GLIS2: variants seen among roughly 807,000 people sequenced by gnomAD.
The protein encoded by GLIS2 is zinc finger protein GLIS2.
In GLIS2, 14 loss-of-function variants were observed where a neutral mutation model predicts 35.6. The ratio of observed to expected loss-of-function variants is 0.39; its 90% confidence interval spans 0.26 to 0.61. The LOEUF (loss-of-function observed/expected upper bound fraction) is 0.61. Ranked by LOEUF, GLIS2 falls within the 20% of genes least tolerant of loss-of-function variation. The probability of loss-of-function intolerance (pLI) is 0.48; values close to 1 mark genes in which losing one functional copy is unlikely to be tolerated. For missense variants in GLIS2, 675 were observed against 713.4 expected (o/e 0.95, Z 0.61); for synonymous variants, 368 against 325.1 (o/e 1.13, Z -1.42).
chr16:4,317,776 C>T (rs1038053851), intron 1 of GLIS2, among the ~76,000 whole-genome samples: 2 of 152,176 alleles, frequency 1.3e-5, no homozygotes, highest in Non-Finnish European at 2.9e-5. Flanking sequence ...GCCAGCCAAG[C>T]AGGAGACAGT....
chr16:4,317,983 G>A (rs571882855), intron 1 of GLIS2, among the ~76,000 whole-genome samples: 1 of 152,286 alleles, frequency 6.6e-6, no homozygotes, highest in East Asian at 1.9e-4. Flanking sequence ...CGGCCCCTGA[G>A]TGACCCTGGC....
chr16:4,315,723 A>G (rs1469371979), upstream of GLIS2, among the ~76,000 whole-genome samples: 2 of 140,342 alleles, frequency 1.4e-5, no homozygotes, highest in African/African-American at 5.5e-5. Context: ...TCGGCGCCCC[A>G]CTTCCCTCCC....
At position 4,318,615 on chromosome 16, in the gene GLIS2, G is replaced by A. The variant is rs2053341042; in HGVS notation, c.-67+2361G>A. The stretch of plus-strand genomic sequence containing the variant: ...AGGGCTGAGAGTGAACAGGCCGGAG[G>A]GAAAACAAAGGTCTCCCAGGGCCCC... On this transcript the variant is annotated intron_variant, in intron 1 of 6. Transcript: ENST00000433375. 3.9e-5 allele frequency among the ~76,000 whole-genome samples: 6 copies of A among 152,318 alleles called. No individual in the cohort carries two copies. In the South Asian group the frequency reaches 1.0e-3, roughly 26 times the overall value.
chr16:4,322,546 T>C (rs1380355098), intron 1 of GLIS2, among the ~76,000 whole-genome samples: 1 of 151,064 alleles, frequency 6.6e-6, no homozygotes, highest in African/African-American at 2.4e-5. Flanking sequence ...CCCGCAGGGC[T>C]CCCACCTCCC....
intron 2 of GLIS2, 149 bp from the exon 3 acceptor site, chr16:4,333,198 C>A (rs1362825545): frequency 3.5e-6 from 3 of 852,068 alleles, no homozygotes; most frequent in Non-Finnish European, 5.7e-6. Context: ...ACACACCTGT[C>A]AGCTCCACAG....
At position 4,320,999 on chromosome 16, in the gene GLIS2, G is replaced by A. The variant is rs991607215; in HGVS notation, c.-67+4745G>A. 2.6e-5 allele frequency among the ~76,000 whole-genome samples: 4 copies of A among 152,226 alleles called. No homozygotes were observed. Among genetic ancestry groups the A allele is most frequent in the South Asian group, 4.1e-4 (2 of 4,834 alleles). On this transcript the variant is annotated intron_variant, in intron 1 of 6. Coordinates refer to ENST00000433375, the MANE Select transcript of GLIS2 (RefSeq NM_032575.3). This position sits in a 1 kb window ranked among gnomAD's most constrained non-coding sequence, Gnocchi z 5.6. ...TCCCCTTTGGAAGGAAAAGGACCTC[G>A]ATGGCTTTGGAGGCTGTCCCCGGCT... is the stretch of plus-strand genomic sequence containing the variant.
chr16:4,335,648 A>T lies in GLIS2; in HGVS notation c.775+255A>T, dbSNP rs1481558205. ...GGTTCCCGTGGGTATCTTCTGACTA[A>T]TGCCACCTCTGTGATCGCAGAGGCC... is the stretch of plus-strand genomic sequence containing the variant. On this transcript the variant is annotated intron_variant, in intron 6 of 6. Transcript: ENST00000433375. This position sits in a 1 kb window ranked among gnomAD's most constrained non-coding sequence, Gnocchi z 4.6. Among the ~76,000 whole-genome samples, 1 of 152,182 alleles carries T rather than the reference A, an allele frequency of 6.6e-6. No homozygotes were observed. The highest frequency in any genetic ancestry group is 1.5e-5 in the Non-Finnish European group (1 of 68,036).
intron 1 of GLIS2, among the ~76,000 whole-genome samples, chr16:4,319,300 T>G (rs1270164133): frequency 6.6e-6 from 1 of 152,154 alleles, no homozygotes; most frequent in African/African-American, 2.4e-5. Context: ...AATGCCCTTC[T>G]CAGGGGTAGG....
At chr16:4,333,270 G>T (rs1253268792) in intron 2 of GLIS2, 77 bp from the exon 3 acceptor site, 8 of 1,539,308 alleles carry the variant, frequency 5.2e-6, no homozygotes, top group African/African-American at 1.4e-5. Context: ...AGGTCACAGT[G>T]GGGGTTCGGA....
intron 1 of GLIS2, among the ~76,000 whole-genome samples, chr16:4,318,000 C>T (rs1387442054): frequency 6.6e-6 from 1 of 152,154 alleles, no homozygotes; most frequent in Non-Finnish European, 1.5e-5. Flanking sequence ...TGGCCCAGGC[C>T]CCCTGGGGAG....
At chr16:4,336,542 CA>C (rs1489877697) in intron 6 of GLIS2, 182 bp from the exon 7 acceptor site, 4 of 691,862 alleles carry the variant, frequency 5.8e-6, no homozygotes, top group Non-Finnish European at 1.0e-5. Flanking sequence ...GCTGAGTTTT[CA>C]GCCTCTGTGC....
At chr16:4,334,350 G>A (rs2053527559) in intron 3 of GLIS2, among the ~76,000 whole-genome samples, 1 of 150,874 alleles carries the variant, frequency 6.6e-6, no homozygotes, top group South Asian at 2.1e-4. Context: ...CAATTCTCCT[G>A]CCTCAGCCTC....
chr16:4,333,689 C>G (rs1212529474), intron 3 of GLIS2, among the ~76,000 whole-genome samples, 170 bp downstream of exon 3: 1 of 152,222 alleles, frequency 6.6e-6, no homozygotes, highest in African/African-American at 2.4e-5. Context: ...CTGCCTCTCT[C>G]CTGCCTTCTG....
At chr16:4,333,098 C>T (rs1258831963) in intron 2 of GLIS2, among the ~76,000 whole-genome samples, 2 of 152,184 alleles carry the variant, frequency 1.3e-5, no homozygotes, top group African/African-American at 4.8e-5. Context: ...CCAGACCATT[C>T]CCGTCTGCAA....
In GLIS2 at chr16:4,338,347, C is replaced by G. The variant is rs962845949; in HGVS notation, c.*823C>G. ...TGCCAAGATACTGAGTGACCTGGGC[C>G]CTGGCTCAGGGAGCATGTGGGGCCA... On this transcript the variant is annotated 3_prime_UTR_variant, in exon 7 of 7. Coordinates refer to ENST00000433375, the MANE Select transcript of GLIS2 (RefSeq NM_032575.3). 15 of 152,350 alleles carry G rather than the reference C, an allele frequency of 9.8e-5. No homozygotes were observed. The highest frequency in any genetic ancestry group is 3.6e-4 in the African/African-American group (15 of 41,464). The allele number at this position is 152,350 out of a possible 1,614,324, so 9.4% of individuals were successfully genotyped here.
chr16:4,327,679 C>T (rs1272888223), intron 1 of GLIS2, among the ~76,000 whole-genome samples: 2 of 151,610 alleles, frequency 1.3e-5, no homozygotes, highest in African/African-American at 2.4e-5. Flanking sequence ...CCCGCCCAGC[C>T]CACCCTCCGG....
chr16:4,333,623 C>T lies in GLIS2; in HGVS notation c.345+104C>T, dbSNP rs150304183. ...GTGGTTTAAAAAACAGATGTGTTAC[C>T]CCTCATAATTCTGGAGGCTGGAGTC... On this transcript the variant is annotated intron_variant, in intron 3 of 6. Coordinates refer to ENST00000433375, the MANE Select transcript of GLIS2 (RefSeq NM_032575.3). The T allele has an allele frequency of 2.5e-4, 322 of 1,264,970 alleles. No individual in the cohort carries two copies. In the African/African-American group the frequency reaches 4.0e-3, roughly 16 times the overall value. The allele number at this position is 1,264,970 out of a possible 1,614,324, so 78.4% of individuals were successfully genotyped here.
Position 4,320,410 on chromosome 16 carries a change from AGGC to A in GLIS2, c.-67+4157_-67+4159del, listed in dbSNP as rs2053366023. ...ACCCTGGTAGTCAAGAGGTCGTCGG[AGGC>A]CGGTGGGGGGAAACTGAGGCTCTGA... is the stretch of plus-strand genomic sequence containing the variant. On this transcript the variant is annotated intron_variant, in intron 1 of 6. Transcript: ENST00000433375. This position sits in a 1 kb window ranked among gnomAD's most constrained non-coding sequence, Gnocchi z 5.6. Among the ~76,000 whole-genome samples, 1 of 152,030 alleles carries A rather than the reference AGGC, an allele frequency of 6.6e-6. No individual in the cohort carries two copies.
Position 4,333,022 on chromosome 16 carries a change from C to A in GLIS2, c.173-325C>A, listed in dbSNP as rs1475861555. 5.3e-5 allele frequency among the ~76,000 whole-genome samples: 8 copies of A among 152,278 alleles called. No individual in the cohort carries two copies. The East Asian group carries it at 1.2e-3, about 22-fold the overall frequency. ...CTGGGAAAAGCTAGAAAGGTTCCTA[C>A]CTGCCCGTCTGACAGGGACCCAGGG... On this transcript the variant is annotated intron_variant, in intron 2 of 6. Transcript: ENST00000433375.
Sources: gnomAD v4.1 joint callset for allele counts (sites outside exome capture counted in the v4.1 genomes callset) on GRCh38, gnomAD v4.1.1 for gene constraint, Gnocchi (gnomAD v3.1) non-coding constraint, MANE v1.5 for transcripts, NCBI Gene and HGNC (gene_info 2026-07-23, HGNC 2026-07-21) for gene names.